TYW1B: variants seen among roughly 807,000 people sequenced by gnomAD.
TYW1B encodes tRNA-yW synthesizing protein 1 homolog B.
In TYW1B, 73 loss-of-function variants were observed where a neutral mutation model predicts 86.9. The ratio of observed to expected loss-of-function variants is 0.84; its 90% CI spans 0.70 to 1.02. TYW1B has a LOEUF of 1.02. TYW1B is among the 50% of genes least tolerant of loss of function. The pLI is 0.00. For synonymous variants in TYW1B, 248 were observed against 292.8 expected (o/e 0.85, Z 1.56); for missense variants, 637 against 827.4 (o/e 0.77, Z 2.82).
At chr7:72,758,340 AAAAC>A (rs561806628) in intron 7 of TYW1B, among the ~76,000 whole-genome samples, 99 of 152,256 alleles carry the variant, frequency 6.5e-4, no homozygotes, top group Non-Finnish European at 1.2e-3. Context: ...TGTCTCTTAA[AAAAC>A]AAACAAACAA....
At chr7:72,797,307 C>T (rs1273844318) in intron 6 of TYW1B, among the ~76,000 whole-genome samples, 3 of 152,122 alleles carry the variant, frequency 2.0e-5, no homozygotes, top group East Asian at 1.9e-4. Context: ...AATGATTTAA[C>T]CCAATAGTGC....
intron 6 of TYW1B, among the ~76,000 whole-genome samples, chr7:72,800,250 T>C (rs1554475368): frequency 6.6e-6 from 1 of 151,198 alleles, no homozygotes; most frequent in Admixed American, 6.7e-5. Context: ...CAGGCCGGGG[T>C]GCCGTGACAT....
chr7:72,595,249 C>A (rs1554432350), intron 13 of TYW1B, among the ~76,000 whole-genome samples: 1 of 152,044 alleles, frequency 6.6e-6, no homozygotes, highest in East Asian at 1.9e-4. Context: ...TATAAAGATT[C>A]AACCAAAAAA....
At chr7:72,696,128 A>G (rs1291828653) in intron 10 of TYW1B, among the ~76,000 whole-genome samples, 1 of 151,720 alleles carries the variant, frequency 6.6e-6, no homozygotes, top group Non-Finnish European at 1.5e-5. Flanking sequence ...TTGTATTTTT[A>G]GTAGAGAAGG....
intron 6 of TYW1B, among the ~76,000 whole-genome samples, chr7:72,778,670 T>C (rs1376138492): frequency 6.6e-6 from 1 of 152,182 alleles, no homozygotes; most frequent in Non-Finnish European, 1.5e-5. Flanking sequence ...CAGGCTGGTC[T>C]GAAACTCCTG....
chr7:72,685,892 G>C (rs35690207), intron 11 of TYW1B, among the ~76,000 whole-genome samples: 3 of 152,022 alleles, frequency 2.0e-5, no homozygotes, highest in African/African-American at 7.2e-5. Flanking sequence ...TGCAAAAGAC[G>C]TATCTCATAA....
intron 11 of TYW1B, among the ~76,000 whole-genome samples, chr7:72,679,695 T>C (rs1223696184): frequency 2.0e-5 from 3 of 152,174 alleles, no homozygotes; most frequent in African/African-American, 7.2e-5. Context: ...AACGTAATTT[T>C]TTATTTTTAA....
At chr7:72,806,995 G>C in intron 5 of TYW1B, 71 bp downstream of exon 5, 1 of 1,544,322 alleles carries the variant, frequency 6.5e-7, no homozygotes, top group Non-Finnish European at 8.8e-7. Flanking sequence ...GGTTTATTGA[G>C]GAAGAGCTCA....
chr7:72,774,920 G>C (rs1554470317), intron 7 of TYW1B, among the ~76,000 whole-genome samples: 2 of 152,178 alleles, frequency 1.3e-5, no homozygotes, highest in South Asian at 2.1e-4. Flanking sequence ...CATTAAAACA[G>C]TTATAACTGT....
At chr7:72,668,257 A>T (rs578116356) in intron 11 of TYW1B, among the ~76,000 whole-genome samples, 2 of 152,358 alleles carry the variant, frequency 1.3e-5, no homozygotes, top group African/African-American at 4.8e-5. Context: ...CTCAATACTT[A>T]TACACTATTA....
intron 10 of TYW1B, among the ~76,000 whole-genome samples, chr7:72,696,777 G>A (rs1206326907): frequency 2.0e-5 from 3 of 152,318 alleles, no homozygotes; most frequent in Middle Eastern, 3.4e-3. Context: ...TAAAAGTGGA[G>A]AGGCTCTGAC....
intron 12 of TYW1B, among the ~76,000 whole-genome samples, chr7:72,627,035 G>A (rs1428655974): frequency 2.0e-5 from 3 of 151,922 alleles, no homozygotes; most frequent in South Asian, 2.1e-4. Context: ...TTCATCCTAC[G>A]CCACTGCCAA....
intron 13 of TYW1B, among the ~76,000 whole-genome samples, chr7:72,600,424 C>G (rs1811637494): frequency 6.6e-6 from 1 of 152,056 alleles, no homozygotes; most frequent in South Asian, 2.1e-4. Flanking sequence ...GGGAGGAAAT[C>G]TAGGTGACCT....
At chr7:72,629,113 G>C in intron 11 of TYW1B, 116 bp from the exon 12 acceptor site, 2 of 829,248 alleles carry the variant, frequency 2.4e-6, no homozygotes, top group Admixed American at 6.3e-5. Context: ...AACTCATCAT[G>C]AACTTTTGTA....
chr7:72,642,477 G>A (rs1554441594), intron 11 of TYW1B, among the ~76,000 whole-genome samples: 2 of 152,166 alleles, frequency 1.3e-5, no homozygotes, highest in Admixed American at 6.6e-5. Flanking sequence ...ACTAAAACCT[G>A]TGCATGAATA....
intron 10 of TYW1B, among the ~76,000 whole-genome samples, chr7:72,703,012 A>ATTTTT (rs1814515747): frequency 3.4e-5 from 1 of 29,270 alleles, no homozygotes; most frequent in Non-Finnish European, 7.9e-5. Flanking sequence ...ATATATATAT[A>ATTTTT]TATATATATA....
intron 11 of TYW1B, among the ~76,000 whole-genome samples, chr7:72,654,016 G>A (rs527889660): frequency 6.7e-6 from 1 of 149,370 alleles, no homozygotes; most frequent in South Asian, 2.1e-4. Flanking sequence ...GGAGGCGGAG[G>A]CTGCAGTGAG....
In TYW1B at chr7:72,756,486, C is replaced by T. The variant is rs868931847; in HGVS notation, c.965-11885G>A. ...CTGACCTCAGGTGATCTGCCTGCCT[C>T]GGCCTCCCAAAGTGCTGGAATTACA... On this transcript the variant is annotated intron_variant, in intron 7 of 13. Transcript: ENST00000620995. 5.3e-5 allele frequency among the ~76,000 whole-genome samples: 8 copies of T among 152,024 alleles called. 1 individual carries two copies. The highest frequency in any genetic ancestry group is 1.7e-4 in the African/African-American group (7 of 41,458).
At chr7:72,640,050 C>T (rs1281601315) in intron 11 of TYW1B, among the ~76,000 whole-genome samples, 6 of 151,642 alleles carry the variant, frequency 4.0e-5, no homozygotes, top group Admixed American at 6.6e-5. Context: ...AGCATGCCTG[C>T]GTCAATCACG....
Sources: gnomAD v4.1 joint callset for allele counts (sites outside exome capture counted in the v4.1 genomes callset) on GRCh38, gnomAD v4.1.1 for gene constraint, MANE v1.5 for transcripts, NCBI Gene and HGNC (gene_info 2026-07-23, HGNC 2026-07-21) for gene names.